RAP2A: variants seen among roughly 807,000 people sequenced by gnomAD.
RAP2A encodes RAP2A, member of RAS oncogene family.
Under a neutral mutation model 15.1 loss-of-function variants are expected in RAP2A, and 5 were observed. That is an observed-to-expected ratio of 0.33 (90% CI 0.17 to 0.70). RAP2A has a LOEUF of 0.70. Among genes scored for constraint, RAP2A ranks in the 30% least tolerant of loss-of-function variants. The pLI, the probability that RAP2A is intolerant of heterozygous loss-of-function variation, is 0.68. For missense variants in RAP2A, 111 were observed against 240.3 expected (o/e 0.46, Z 3.56); for synonymous variants, 110 against 99.7 (o/e 1.10, Z -0.62).
rs562615546 is a variant in RAP2A at position 97,468,437 on chromosome 13, T to C, written c.*3995T>C. 6.6e-6 allele frequency: 1 copy of C among 152,352 alleles called. No homozygotes were observed. Among genetic ancestry groups the C allele is most frequent in the South Asian group, 2.1e-4 (1 of 4,828 alleles). 9.4% of individuals were successfully genotyped at this position (152,352 alleles called of 1,614,324 possible). A position where few individuals can be genotyped will look rare whatever the true frequency, so the allele number is the denominator to read the frequency against. On this transcript the variant is annotated 3_prime_UTR_variant, in exon 2 of 2. Transcript: ENST00000245304. Reference sequence around the variant, plus strand: ...GTTGCCGCCAGGCTGTAGGGCCTGCTTGTTCTATATGGGGCCCTATGAAAG... The same window carrying C: ...GTTGCCGCCAGGCTGTAGGGCCTGCCTGTTCTATATGGGGCCCTATGAAAG...
Position 97,464,540 on chromosome 13 carries a change from A to G in RAP2A, c.*98A>G. On this transcript the variant is annotated 3_prime_UTR_variant, in exon 2 of 2. Coordinates refer to ENST00000245304, the MANE Select transcript of RAP2A (RefSeq NM_021033.7). ...CAGAACTTGCAGAATGCGTGGTGTTAATCTACAGAGAACTGCAGCCCTTAT... is the reference window on the plus strand; with the variant it reads ...CAGAACTTGCAGAATGCGTGGTGTTGATCTACAGAGAACTGCAGCCCTTAT... 3 of 1,110,810 alleles carry G rather than the reference A, an allele frequency of 2.7e-6. No homozygotes were observed. The highest frequency in any genetic ancestry group is 4.0e-6 in the Non-Finnish European group (3 of 743,314). 68.8% of individuals were successfully genotyped at this position (1,110,810 alleles called of 1,614,324 possible).
intron 1 of RAP2A, chr13:97,441,815 A>G: frequency 4.5e-6 from 2 of 443,884 alleles, no homozygotes; most frequent in South Asian, 3.2e-5. Context: ...TTTTTGGAGT[A>G]ATAAGAGTTT....
intron 1 of RAP2A, among the ~76,000 whole-genome samples, chr13:97,449,112 G>A (rs1057296569): frequency 7.2e-5 from 11 of 152,106 alleles, no homozygotes; most frequent in Admixed American, 2.6e-4. Flanking sequence ...AGGGCAGGAG[G>A]TTGTAAAACA....
intron 1 of RAP2A, among the ~76,000 whole-genome samples, chr13:97,460,179 G>A (rs1361213831): frequency 1.3e-5 from 2 of 152,166 alleles, no homozygotes; most frequent in Non-Finnish European, 2.9e-5. Flanking sequence ...TCCTGCTTAT[G>A]TTTTGGCCCC....
Position 97,446,568 on chromosome 13 carries a change from CATA to C in RAP2A, c.314+11785_314+11787del, listed in dbSNP as rs1682070946. On this transcript the variant is annotated intron_variant, in intron 1 of 1. Transcript: ENST00000245304. ...GCTGCCTGTTAAGACTGTGTTGATC[CATA>C]GAGTATGCTGGAAGTGATAACCAAG... is the stretch of plus-strand genomic sequence containing the variant. 8.5e-5 allele frequency among the ~76,000 whole-genome samples: 13 copies of C among 152,202 alleles called. No homozygotes were observed. In the South Asian group the frequency reaches 2.5e-3, roughly 29 times the overall value.
rs764531523 is a variant in RAP2A, at chr13:97,467,021, CTATT to C, written c.*2585_*2588del. ...ACAGAAGAAAGTTGACCTTGTGTCA[CTATT>C]TATTTTATGCCCTGATCAGACTAGC... On this transcript the variant is annotated 3_prime_UTR_variant, in exon 2 of 2. Transcript: ENST00000245304. 12 of 152,524 alleles carry C rather than the reference CTATT, an allele frequency of 7.9e-5. No individual in the cohort carries two copies. The highest frequency in any genetic ancestry group is 1.5e-4 in the Non-Finnish European group (10 of 68,038). 9.4% of individuals were successfully genotyped at this position (152,524 alleles called of 1,614,324 possible).
intron 1 of RAP2A, among the ~76,000 whole-genome samples, chr13:97,435,448 G>A (rs1202520389): frequency 1.2e-5 from 1 of 86,238 alleles, no homozygotes; most frequent in African/African-American, 4.4e-5. Flanking sequence ...TTTTAATATA[G>A]CCGCCTTAAC....
intron 1 of RAP2A, among the ~76,000 whole-genome samples, chr13:97,444,910 T>G (rs977906264): frequency 6.6e-5 from 10 of 152,218 alleles, no homozygotes; most frequent in African/African-American, 1.9e-4. Flanking sequence ...CTGTGTAATT[T>G]ATAAACAATA....
chr13:97,455,320 T>C (rs1350652892), intron 1 of RAP2A, among the ~76,000 whole-genome samples: 1 of 151,564 alleles, frequency 6.6e-6, no homozygotes, highest in African/African-American at 2.4e-5. Context: ...TCATAGAGCA[T>C]GGTTATAATT....
chr13:97,464,459 TC>T lies in RAP2A; in HGVS notation c.*19del. ...ATACAATAGCATCCAAATATGGCTG[TC>T]CTGGATGGGATTTGCCCAATGTCGT... On this transcript the variant is annotated 3_prime_UTR_variant, in exon 2 of 2. Coordinates refer to ENST00000245304, the MANE Select transcript of RAP2A (RefSeq NM_021033.7). 6.2e-7 allele frequency: 1 copy of T among 1,609,644 alleles called. No homozygotes were observed.
intron 1 of RAP2A, among the ~76,000 whole-genome samples, chr13:97,461,451 C>T (rs572419219): frequency 9.7e-4 from 147 of 152,294 alleles, no homozygotes; most frequent in African/African-American, 3.5e-3. Flanking sequence ...TTTTCATCTA[C>T]ATTTACCAGT....
chr13:97,438,509 C>T (rs1012735612), intron 1 of RAP2A, among the ~76,000 whole-genome samples: 1 of 152,122 alleles, frequency 6.6e-6, no homozygotes, highest in Non-Finnish European at 1.5e-5. Flanking sequence ...TGTGAAATAT[C>T]AGACCTTAGC....
In RAP2A at chr13:97,462,056, A is replaced by T. The variant is rs536056000; in HGVS notation, c.315-2149A>T. ...TTTATATATATTTATATATATATTT[A>T]TATATATATTTATATATTATATATA... is the stretch of plus-strand genomic sequence containing the variant. On this transcript the variant is annotated intron_variant, in intron 1 of 1. Transcript: ENST00000245304. 2.3e-3 allele frequency among the ~76,000 whole-genome samples: 335 copies of T among 144,662 alleles called. 3 individuals are homozygous for T. Among genetic ancestry groups the T allele is most frequent in the African/African-American group, 7.8e-3 (310 of 39,620 alleles). The allele number at this position is 144,662 out of a possible 152,430, so 94.9% of individuals were successfully genotyped here. A position where few individuals can be genotyped will look rare whatever the true frequency, so the allele number is the denominator to read the frequency against.
chr13:97,451,241 G>GT lies in RAP2A; in HGVS notation c.315-12955dup, dbSNP rs200549870. Among the ~76,000 whole-genome samples the GT allele has an allele frequency of 2.0e-3, 304 of 150,194 alleles. 1 individual carries two copies. The highest frequency in any genetic ancestry group is 6.5e-3 in the African/African-American group (268 of 41,092). ...GTTTATAATCTTACTGATTTTTTTTGTTTTTTTTTATTGAGGTAGAAATTT... is the reference window on the plus strand; with the variant it reads ...GTTTATAATCTTACTGATTTTTTTTGTTTTTTTTTTATTGAGGTAGAAATTT... On this transcript the variant is annotated intron_variant, in intron 1 of 1. Coordinates refer to ENST00000245304, the MANE Select transcript of RAP2A (RefSeq NM_021033.7).
chr13:97,438,718 C>T (rs765948264), intron 1 of RAP2A, among the ~76,000 whole-genome samples: 1 of 152,184 alleles, frequency 6.6e-6, no homozygotes, highest in South Asian at 2.1e-4. Context: ...CCTGTCCTTT[C>T]CCTTTTCTTT....
At chr13:97,435,821 T>G (rs936345620) in intron 1 of RAP2A, 2 of 152,222 alleles carry the variant, frequency 1.3e-5, no homozygotes, top group African/African-American at 4.8e-5. Flanking sequence ...TGCTGATAAT[T>G]TTGGTGTCCT....
rs1251191871 is a variant in RAP2A, at chr13:97,466,575, CAAGT to C, written c.*2137_*2140del. 2.6e-5 allele frequency: 4 copies of C among 152,166 alleles called. No individual in the cohort carries two copies. The highest frequency in any genetic ancestry group is 3.4e-3 in the Middle Eastern group (1 of 292). 9.4% of individuals were successfully genotyped at this position (152,166 alleles called of 1,614,324 possible). ...TTCTATAATTCATAGCAATTTTTGA[CAAGT>C]AAGATTGCAAAATAGAAATATCTAT... On this transcript the variant is annotated 3_prime_UTR_variant, in exon 2 of 2. Transcript: ENST00000245304.
At chr13:97,459,319 C>T (rs902227161) in intron 1 of RAP2A, among the ~76,000 whole-genome samples, 2 of 151,926 alleles carry the variant, frequency 1.3e-5, no homozygotes, top group Admixed American at 1.3e-4. Flanking sequence ...TGAAGGCAAC[C>T]TGCAAAACTG....
At chr13:97,441,802 GT>G (rs1205474989) in intron 1 of RAP2A, 11 of 444,800 alleles carry the variant, frequency 2.5e-5, no homozygotes, top group Middle Eastern at 3.3e-4. Context: ...AGTACTCTAA[GT>G]TTTTTTGGAG....
Sources: allele counts gnomAD v4.1 joint callset (sites outside exome capture counted in the v4.1 genomes callset), GRCh38; gene constraint gnomAD v4.1.1; transcripts MANE v1.5; gene names NCBI Gene and HGNC (gene_info 2026-07-23, HGNC 2026-07-21).